FERMT3: variants seen among roughly 807,000 people sequenced by gnomAD.
FERMT3 encodes FERM domain containing kindlin 3, also known as fermitin family homolog 3.
A neutral mutation model predicts 80.8 loss-of-function variants in FERMT3; 33 were observed. That is an observed-to-expected ratio of 0.41 (90% confidence interval 0.31 to 0.55). The LOEUF is 0.55. FERMT3 is among the 20% of genes least tolerant of loss of function. FERMT3 has a pLI of 0.31. For missense variants in FERMT3, 754 were observed against 908.7 expected (o/e 0.83, Z 2.19); for synonymous variants, 375 against 372.2 (o/e 1.01, Z -0.09).
chr11:64,214,081 A>C, intron 6 of FERMT3, among the ~76,000 whole-genome samples: 1 of 152,116 alleles, frequency 6.6e-6, no homozygotes, highest in Non-Finnish European at 1.5e-5. Context: ...ATAGTAACAC[A>C]TATAAATAGT....
chr11:64,220,768 C>CA, intron 12 of FERMT3, 99 bp downstream of exon 12: 2 of 1,303,300 alleles, frequency 1.5e-6, no homozygotes, highest in African/African-American at 1.5e-5. Context: ...GCTACGTACT[C>CA]ACTGGGCTTC....
chr11:64,211,529 C>A lies in FERMT3; in HGVS notation c.683+86C>A. 1 of 1,492,070 alleles carries A rather than the reference C, an allele frequency of 6.7e-7. No individual in the cohort carries two copies. The highest frequency in any genetic ancestry group is 9.0e-7 in the Non-Finnish European group (1 of 1,112,964). 92.4% of individuals were successfully genotyped at this position (1,492,070 alleles called of 1,614,324 possible). ...CCCGTGTCTGTGCCCACCCCAGATC[C>A]ACACTTCGTTTCCAGGCCTTTTCTC... On this transcript the variant is annotated intron_variant, in intron 5 of 14. Transcript: ENST00000345728. The surrounding 1 kb of genome is among the most constrained non-coding windows in gnomAD (Gnocchi z 4.7).
In FERMT3 at chr11:64,222,993, G is replaced by A. The variant is rs1345600560; in HGVS notation, c.1671-55G>A. On this transcript the variant is annotated intron_variant, in intron 13 of 14. Transcript: ENST00000345728. ...CAGCACGGCGCCACATTGTCTGGGC[G>A]GGCTCTGGCCATGCAGGGTGGAGCC... is the stretch of plus-strand genomic sequence containing the variant. 9 of 1,608,628 alleles carry A rather than the reference G, an allele frequency of 5.6e-6. No homozygotes were observed. In the Admixed American group the frequency reaches 6.7e-5, roughly 12 times the overall value.
At position 64,211,769 on chromosome 11, in the gene FERMT3, G is replaced by A. The variant is rs758737958; in HGVS notation, c.786+22G>A. 1.9e-6 allele frequency: 3 copies of A among 1,611,876 alleles called. No individual in the cohort carries two copies. The South Asian group carries it at 3.3e-5, about 18-fold the overall frequency. ...CAAGGTGGGTCGGGGCAGGGAGAAA[G>A]CGGGCCTCAGGTCCATGAGATGTGG... On this transcript the variant is annotated intron_variant, in intron 6 of 14. Transcript: ENST00000345728. This position sits in a 1 kb window ranked among gnomAD's most constrained non-coding sequence, Gnocchi z 4.7.
At position 64,211,127 on chromosome 11, in the gene FERMT3, C is replaced by A; in HGVS notation, c.470C>A (p.Pro157Gln). 1 of 1,550,488 alleles carries A rather than the reference C, an allele frequency of 6.4e-7. No individual in the cohort carries two copies. ...GAGAAGAAGAAGAAAGAGAAGGAGC[C>A]AGAGGAAGAGCTCTATGACTTGAGC... The part of the protein sequence containing the change: ...KKEKKKKEKE[P>Q]EEELYDLSKV... The change falls in exon 4 of 15, where the codon CCA becomes CAA. Residue 157 changes from proline (P) to glutamine (Q), a missense_variant. By Grantham distance (76) the Pro-to-Gln change is moderately conservative. Coordinates refer to ENST00000345728, the MANE Select transcript of FERMT3 (RefSeq NM_031471.6). This position sits in a 1 kb window ranked among gnomAD's most constrained non-coding sequence, Gnocchi z 4.7.
In FERMT3 at chr11:64,206,879, A is replaced by G. The variant is rs1946321287; in HGVS notation, c.-15+65A>G. The G allele has an allele frequency of 3.1e-5, 5 of 161,270 alleles. No individual in the cohort carries two copies. The South Asian group carries it at 7.1e-4, about 23-fold the overall frequency. The allele number at this position is 161,270 out of a possible 1,614,324, so 10.0% of individuals were successfully genotyped here. ...CCTTATCCTCCTGCAGCCTCTGCCC[A>G]GCCTGCCTCTCGCCATGCGGCAGCC... On this transcript the variant is annotated intron_variant, in intron 1 of 14. Coordinates refer to ENST00000345728, the MANE Select transcript of FERMT3 (RefSeq NM_031471.6).
intron 1 of FERMT3, 146 bp from the exon 2 acceptor site, chr11:64,207,205 G>A (rs546772241): frequency 9.6e-5 from 82 of 853,066 alleles, no homozygotes; most frequent in Middle Eastern, 7.1e-4. Flanking sequence ...AGGGTACCAC[G>A]GGCGTGCTGG....
intron 6 of FERMT3, among the ~76,000 whole-genome samples, chr11:64,216,516 G>A (rs750567598): frequency 4.2e-5 from 6 of 143,170 alleles, no homozygotes; most frequent in African/African-American, 1.3e-4. Flanking sequence ...GGATTTTTTC[G>A]CCGGGCGCGG....
In FERMT3 at chr11:64,211,607, C is replaced by CT. The variant is rs755286291; in HGVS notation, c.684-37dup. 9.3e-6 allele frequency: 15 copies of CT among 1,606,788 alleles called. No individual in the cohort carries two copies. The highest frequency in any genetic ancestry group is 1.3e-5 in the Non-Finnish European group (15 of 1,176,990). On this transcript the variant is annotated intron_variant, in intron 5 of 14. Transcript: ENST00000345728. The surrounding 1 kb of genome is among the most constrained non-coding windows in gnomAD (Gnocchi z 4.7). ...CCCCCTCCCCACCCCACGGCCGTAC[C>CT]TGGCGCAGCCCTGACTGCTGCTTCT...
At position 64,219,846 on chromosome 11, in the gene FERMT3, G is replaced by A. The variant is rs1177226036; in HGVS notation, c.1080-45G>A. On this transcript the variant is annotated intron_variant, in intron 9 of 14. Coordinates refer to ENST00000345728, the MANE Select transcript of FERMT3 (RefSeq NM_031471.6). The surrounding 1 kb of genome is among the most constrained non-coding windows in gnomAD (Gnocchi z 4.0). ...TGGAGGGGTTGGTCTGCATATGGAGGGAGGGGGTGAGGCGGCCTTTCACAA... is the reference window on the plus strand; with the variant it reads ...TGGAGGGGTTGGTCTGCATATGGAGAGAGGGGGTGAGGCGGCCTTTCACAA... 6.2e-7 allele frequency: 1 copy of A among 1,613,908 alleles called. No homozygotes were observed. The highest frequency in any genetic ancestry group is 8.5e-7 in the Non-Finnish European group (1 of 1,180,006).
intron 6 of FERMT3, among the ~76,000 whole-genome samples, chr11:64,217,199 G>C (rs1946570820): frequency 6.6e-6 from 1 of 152,162 alleles, no homozygotes. Context: ...CAATGTCTTG[G>C]GTGACAAGTG....
At chr11:64,213,881 A>G (rs1946495448) in intron 6 of FERMT3, among the ~76,000 whole-genome samples, 1 of 152,032 alleles carries the variant, frequency 6.6e-6, no homozygotes, top group Admixed American at 6.6e-5. Context: ...TTTTTATTCT[A>G]GTGTTTTCTT....
Position 64,219,875 on chromosome 11 carries a change from C to G in FERMT3, c.1080-16C>G, listed in dbSNP as rs766312180. 1.9e-5 allele frequency: 30 copies of G among 1,613,898 alleles called. No individual in the cohort carries two copies. Among genetic ancestry groups the G allele is most frequent in the Non-Finnish European group, 2.4e-5 (28 of 1,179,984 alleles). Reference sequence around the variant, plus strand: ...GGGGTGAGGCGGCCTTTCACAAACCCCAGCATCCCACGAAGGCCCCGGAAG... The same window carrying G: ...GGGGTGAGGCGGCCTTTCACAAACCGCAGCATCCCACGAAGGCCCCGGAAG... On this transcript the variant is annotated splice_polypyrimidine_tract_variant and intron_variant, in intron 9 of 14. Transcript: ENST00000345728. This position sits in a 1 kb window ranked among gnomAD's most constrained non-coding sequence, Gnocchi z 4.0.
Position 64,207,512 on chromosome 11 carries a change from G to T in FERMT3, c.148G>T (p.Val50Leu). The T allele has an allele frequency of 6.2e-7, 1 of 1,611,198 alleles. No homozygotes were observed. Among genetic ancestry groups the T allele is most frequent in the Non-Finnish European group, 8.5e-7 (1 of 1,178,218 alleles). Residue 50 changes from valine to leucine, a missense_variant, in exon 2 of 15, where the codon GTG becomes TTG. Val to Leu is a conservative substitution (Grantham distance 32). Coordinates refer to ENST00000345728, the MANE Select transcript of FERMT3 (RefSeq NM_031471.6). ...SHIGGVLLKI[V>L]EQINRKQDWS... is the part of the protein sequence containing the mutation. ...CATCGGCGGGGTGCTCCTGAAGATT[G>T]TGGAGCAGATCAGTGAGTGTCCGCT...
intron 13 of FERMT3, among the ~76,000 whole-genome samples, chr11:64,221,894 T>C (rs1478989587): frequency 6.6e-6 from 1 of 151,764 alleles, no homozygotes; most frequent in East Asian, 1.9e-4. Flanking sequence ...GCCACTGCAC[T>C]CCACGCTGGG....
rs751036964 is a variant in FERMT3 at position 64,219,664 on chromosome 11, G to T, written c.1029+6G>T. 3 of 1,613,714 alleles carry T rather than the reference G, an allele frequency of 1.9e-6. No individual in the cohort carries two copies. Among genetic ancestry groups the T allele is most frequent in the Admixed American group, 3.3e-5 (2 of 60,000 alleles). Reference sequence around the variant, plus strand: ...CGGCGCCCACAGATGTGCTGGTGAGGAGGGGCTCAGGGCAGGGGCTGGGCA... The same window carrying T: ...CGGCGCCCACAGATGTGCTGGTGAGTAGGGGCTCAGGGCAGGGGCTGGGCA... On this transcript the variant is annotated splice_donor_region_variant and intron_variant, in intron 8 of 14. Coordinates refer to ENST00000345728, the MANE Select transcript of FERMT3 (RefSeq NM_031471.6). This position sits in a 1 kb window ranked among gnomAD's most constrained non-coding sequence, Gnocchi z 4.0.
At position 64,220,216 on chromosome 11, in the gene FERMT3, C is replaced by G; in HGVS notation, c.1205-4C>G. The G allele has an allele frequency of 6.2e-7, 1 of 1,613,690 alleles. No individual in the cohort carries two copies. Among genetic ancestry groups the G allele is most frequent in the Non-Finnish European group, 8.5e-7 (1 of 1,179,828 alleles). On this transcript the variant is annotated splice_polypyrimidine_tract_variant and splice_region_variant and intron_variant, in intron 10 of 14. Coordinates refer to ENST00000345728, the MANE Select transcript of FERMT3 (RefSeq NM_031471.6). ...CTCCTAGACCACCCCTTCTCTCCCTCCAGGCTGTGAGGTGGTTCCCGATGT... is the reference window on the plus strand; with the variant it reads ...CTCCTAGACCACCCCTTCTCTCCCTGCAGGCTGTGAGGTGGTTCCCGATGT...
chr11:64,210,904 C>G lies in FERMT3; in HGVS notation c.394+60C>G. The G allele has an allele frequency of 6.2e-7, 1 of 1,608,864 alleles. No homozygotes were observed. Among genetic ancestry groups the G allele is most frequent in the South Asian group, 1.1e-5 (1 of 91,030 alleles). ...GGTGATGCAAAGAGGCAGGTTCCCC[C>G]GTTTCCAGGCCCAGCTCTGTTGACG... On this transcript the variant is annotated intron_variant, in intron 3 of 14. Coordinates refer to ENST00000345728, the MANE Select transcript of FERMT3 (RefSeq NM_031471.6). This position sits in a 1 kb window ranked among gnomAD's most constrained non-coding sequence, Gnocchi z 4.3.
rs1544538 is a variant in FERMT3 at position 64,220,868 on chromosome 11, G to A, written c.1546-148G>A. On this transcript the variant is annotated intron_variant, in intron 12 of 14. Transcript: ENST00000345728. ...GCCCATGTCCACCTTGCAGCCTGGCGCAGTGCAGATCTGCACCTTGGCGGC... is the reference window on the plus strand; with the variant it reads ...GCCCATGTCCACCTTGCAGCCTGGCACAGTGCAGATCTGCACCTTGGCGGC... 100,233 of 1,450,500 alleles carry A rather than the reference G, an allele frequency of 0.069. 4,090 individuals carry two copies. The highest frequency in any genetic ancestry group is 0.14 in the Admixed American group (8,102 of 56,540). 89.9% of individuals were successfully genotyped at this position (1,450,500 alleles called of 1,614,324 possible). A position where few individuals can be genotyped will look rare whatever the true frequency, so the allele number is the denominator to read the frequency against.
Sources: gnomAD v4.1 joint callset for allele counts (sites outside exome capture counted in the v4.1 genomes callset) on GRCh38, gnomAD v4.1.1 for gene constraint, Gnocchi (gnomAD v3.1) non-coding constraint, MANE v1.5 for transcripts, NCBI Gene and HGNC (gene_info 2026-07-23, HGNC 2026-07-21) for gene names.